CNBD1: variants seen among roughly 807,000 people sequenced by gnomAD.
CNBD1 encodes the protein cyclic nucleotide-binding domain-containing protein 1.
A neutral mutation model predicts 54.4 loss-of-function variants in CNBD1; 71 were observed. The observed-to-expected ratio is 1.30, with a 90% CI of 1.08 to 1.59. The LOEUF is 1.59. Among genes scored for constraint, CNBD1 ranks in the 40% most tolerant of loss-of-function variants. The pLI is 0.00. For missense variants in CNBD1, 659 were observed against 518.0 expected, an observed-to-expected ratio of 1.27 and a Z score of -2.64; for synonymous variants, 182 against 170.7, an observed-to-expected ratio of 1.07 and a Z score of -0.51.
chr8:87,051,648 C>T (rs1167714707), intron 4 of CNBD1, among the ~76,000 whole-genome samples: 1 of 152,320 alleles, frequency 6.6e-6, no homozygotes, highest in Non-Finnish European at 1.5e-5. Context: ...TAGTAATCTG[C>T]AGCAGGAGCA....
intron 6 of CNBD1, among the ~76,000 whole-genome samples, chr8:87,254,629 T>A (rs1586366580): frequency 6.6e-6 from 1 of 152,266 alleles, no homozygotes; most frequent in East Asian, 1.9e-4. Context: ...TATGGATAAT[T>A]TGGAACCCTC....
At chr8:86,901,376 A>G (rs1471697541) in intron 2 of CNBD1, among the ~76,000 whole-genome samples, 1 of 152,200 alleles carries the variant, frequency 6.6e-6, no homozygotes, top group Non-Finnish European at 1.5e-5. Context: ...TTCAACTTTT[A>G]TGATTTGCCT....
At chr8:87,425,967 C>A (rs544367036) in intron 2 of CNBD1, among the ~76,000 whole-genome samples, 1 of 152,180 alleles carries the variant, frequency 6.6e-6, no homozygotes. Flanking sequence ...TAGCAATCAG[C>A]GAGACTCAGT....
At chr8:87,392,421 C>G (rs113349341) in intron 2 of CNBD1, among the ~76,000 whole-genome samples, 4 of 151,770 alleles carry the variant, frequency 2.6e-5, no homozygotes, top group Non-Finnish European at 5.9e-5. Context: ...GTTCATTAAC[C>G]GATGAAGGGA....
intron 4 of CNBD1, among the ~76,000 whole-genome samples, chr8:87,180,686 A>C (rs769922103): frequency 4.6e-5 from 7 of 152,284 alleles, no homozygotes; most frequent in Middle Eastern, 3.4e-3. Flanking sequence ...AAAACTTAGA[A>C]TTTTTTAGCA....
At chr8:87,391,783 C>T (rs1038677506) in intron 2 of CNBD1, among the ~76,000 whole-genome samples, 5 of 151,938 alleles carry the variant, frequency 3.3e-5, no homozygotes, top group Admixed American at 6.6e-5. Context: ...TTGGGTAAAG[C>T]GAACCCTTTT....
chr8:87,372,209 G>A (rs984589765), intron 10 of CNBD1, among the ~76,000 whole-genome samples: 5 of 151,940 alleles, frequency 3.3e-5, no homozygotes, highest in African/African-American at 1.2e-4. Context: ...CAAACAGAGA[G>A]CCAAATCATG....
chr8:87,426,059 T>C (rs898907133), intron 2 of CNBD1, among the ~76,000 whole-genome samples: 5 of 152,186 alleles, frequency 3.3e-5, no homozygotes, highest in African/African-American at 1.2e-4. Flanking sequence ...TCGCAGTATT[T>C]GGGTGGGAGT....
intron 4 of CNBD1, among the ~76,000 whole-genome samples, chr8:87,138,277 T>A (rs373967392): frequency 7.9e-5 from 12 of 152,272 alleles, no homozygotes; most frequent in African/African-American, 2.9e-4. Flanking sequence ...CTGAGTGCAG[T>A]ACAATTTGAG....
intron 4 of CNBD1, among the ~76,000 whole-genome samples, chr8:87,087,699 C>A (rs1313970345): frequency 3.3e-5 from 5 of 152,044 alleles, no homozygotes; most frequent in Admixed American, 2.6e-4. Flanking sequence ...ATCCCCTGAC[C>A]TCGTGATCCG....
chr8:87,265,132 A>T (rs1364522595), intron 6 of CNBD1, among the ~76,000 whole-genome samples: 2 of 152,068 alleles, frequency 1.3e-5, no homozygotes, highest in Non-Finnish European at 2.9e-5. Flanking sequence ...TTATGGTTTT[A>T]GGTCTAACAT....
chr8:87,418,336 C>T (rs78810558), intron 2 of CNBD1, among the ~76,000 whole-genome samples: 5,220 of 151,692 alleles, frequency 0.034, 283 homozygotes, highest in African/African-American at 0.12. Context: ...GAATTTGGAC[C>T]CCAATCTTAT....
At chr8:87,118,705 TCTC>T (rs1811830034) in intron 4 of CNBD1, among the ~76,000 whole-genome samples, 1 of 152,166 alleles carries the variant, frequency 6.6e-6, no homozygotes, top group South Asian at 2.1e-4. Flanking sequence ...CGTTATATAT[TCTC>T]CTCTTAGTGG....
At chr8:86,954,585 C>G (rs1199826550) in intron 4 of CNBD1, among the ~76,000 whole-genome samples, 2 of 148,368 alleles carry the variant, frequency 1.3e-5, no homozygotes, top group African/African-American at 5.0e-5. Flanking sequence ...ATTCCGTGTT[C>G]TTATATTCTT....
chr8:87,409,382 T>TAACA (rs1807703628), intron 2 of CNBD1, among the ~76,000 whole-genome samples: 1 of 152,150 alleles, frequency 6.6e-6, no homozygotes, highest in Non-Finnish European at 1.5e-5. Context: ...ATTTGAAAGC[T>TAACA]AACAGAGGTT....
chr8:87,424,495 CA>C (rs1280835873), intron 2 of CNBD1, among the ~76,000 whole-genome samples: 2 of 152,172 alleles, frequency 1.3e-5, no homozygotes, highest in African/African-American at 2.4e-5. Context: ...TCACTGGTTT[CA>C]AAGAACATCT....
chr8:87,422,393 T>A (rs560304140), intron 2 of CNBD1, among the ~76,000 whole-genome samples: 6,116 of 104,950 alleles, frequency 0.058, 175 homozygotes, highest in Non-Finnish European at 0.072. Context: ...TCTTCCAGGG[T>A]TTTTATGGTT....
chr8:87,247,518 C>T (rs1446926974), intron 6 of CNBD1, among the ~76,000 whole-genome samples: 1 of 152,174 alleles, frequency 6.6e-6, no homozygotes, highest in African/African-American at 2.4e-5. Context: ...TGTCAGTCTC[C>T]CCTGGAGTGA....
At chr8:86,907,798 T>A (rs1809040833) in intron 3 of CNBD1, among the ~76,000 whole-genome samples, 1 of 152,222 alleles carries the variant, frequency 6.6e-6, no homozygotes, top group Non-Finnish European at 1.5e-5. Flanking sequence ...TTCAGTGTGA[T>A]ATATCTATAG....
Sources: allele counts gnomAD v4.1 joint callset (sites outside exome capture counted in the v4.1 genomes callset), GRCh38; gene constraint gnomAD v4.1.1; transcripts MANE v1.5; gene names NCBI Gene and HGNC (gene_info 2026-07-23, HGNC 2026-07-21).